Variants in ZFHX3 observed in about 807,000 individuals in gnomAD.
ZFHX3 encodes zinc finger homeobox 3, also known as zinc finger homeobox protein 3.
ZFHX3 carries 42 observed loss-of-function variants against 279.1 expected under a neutral mutation model. The observed-to-expected ratio is 0.15, with a 90% CI of 0.12 to 0.19. The LOEUF (loss-of-function observed/expected upper bound fraction) is 0.19. Ranked by LOEUF, ZFHX3 falls within the 10% of genes least tolerant of loss-of-function variation. The probability of loss-of-function intolerance (pLI) is 1.00; values close to 1 mark genes in which losing one functional copy is unlikely to be tolerated. For synonymous variants in ZFHX3, 2,293 were observed against 1,957.8 expected (o/e 1.17, Z -4.52); for missense variants, 4,981 against 4,754.0 (o/e 1.05, Z -1.40).
intron 3 of ZFHX3, among the ~76,000 whole-genome samples, chr16:73,380,645 A>G (rs1024313570): frequency 1.3e-5 from 2 of 152,256 alleles, no homozygotes; most frequent in African/African-American, 4.8e-5. Context: ...AGAATGGGAA[A>G]AAATGACAAG....
intron 1 of ZFHX3, among the ~76,000 whole-genome samples, chr16:73,021,173 T>C (rs1191964240): frequency 6.6e-6 from 1 of 152,150 alleles, no homozygotes; most frequent in African/African-American, 2.4e-5. Context: ...AGACATATAG[T>C]GGCTCAATAA....
In ZFHX3 at chr16:73,507,456, C is replaced by G. The variant is rs181377415; in HGVS notation, c.-1546-51198G>C. On this transcript the variant is annotated intron_variant, in intron 2 of 17. Transcript: ENST00000641206. ...GTGGAAAGTGTACTGGAGTCTGTAC[C>G]AGAAAATGCGTGAAATTCAGCTCTG... Among the ~76,000 whole-genome samples the G allele has an allele frequency of 8.3e-4, 122 of 147,586 alleles. 1 individual carries two copies. The highest frequency in any genetic ancestry group is 3.7e-3 in the Middle Eastern group (1 of 272).
At chr16:73,368,198 C>T (rs2016563577) in intron 3 of ZFHX3, among the ~76,000 whole-genome samples, 1 of 152,202 alleles carries the variant, frequency 6.6e-6, no homozygotes. Context: ...ACTACATCCC[C>T]TTTTATCACC....
At chr16:73,859,566 G>A (rs748368152) in intron 1 of ZFHX3, among the ~76,000 whole-genome samples, 1 of 152,114 alleles carries the variant, frequency 6.6e-6, no homozygotes, top group Non-Finnish European at 1.5e-5. Context: ...GGATGTCTAG[G>A]TCCAGCCTTG....
At chr16:73,091,023 A>G (rs1379114085) in intron 8 of ZFHX3, among the ~76,000 whole-genome samples, 1 of 151,878 alleles carries the variant, frequency 6.6e-6, no homozygotes, top group Non-Finnish European at 1.5e-5. Flanking sequence ...CATCCTGGCT[A>G]ACACGGTAAA....
intron 2 of ZFHX3, among the ~76,000 whole-genome samples, chr16:72,952,592 C>T (rs141803646): frequency 3.7e-4 from 56 of 152,222 alleles, no homozygotes; most frequent in Non-Finnish European, 6.3e-4. Flanking sequence ...GAAAAAAGAG[C>T]GGGACTGCTG....
intron 8 of ZFHX3, among the ~76,000 whole-genome samples, chr16:73,087,396 A>T (rs1966022344): frequency 6.6e-6 from 1 of 152,222 alleles, no homozygotes; most frequent in Non-Finnish European, 1.5e-5. Flanking sequence ...ACTCCAGGAA[A>T]GTCCTTGTCT....
At chr16:73,683,540 T>C (rs897132311) in intron 1 of ZFHX3, among the ~76,000 whole-genome samples, 3 of 152,066 alleles carry the variant, frequency 2.0e-5, no homozygotes, top group African/African-American at 7.2e-5. Context: ...ATGCGACATG[T>C]TTTGGGATTT....
In ZFHX3 at chr16:73,439,982, G is replaced by T. The variant is rs535114575; in HGVS notation, c.-1291+16021C>A. On this transcript the variant is annotated intron_variant, in intron 3 of 17. Coordinates refer to the ZFHX3 transcript ENST00000641206. ...GGCCAAGGCTTCAAAAGAGGTTACG[G>T]TGTAGGCACGGGGTTGAGATGGAGG... 2.6e-5 allele frequency among the ~76,000 whole-genome samples: 4 copies of T among 151,466 alleles called. No homozygotes were observed. In the East Asian group the frequency reaches 7.8e-4, roughly 29 times the overall value.
At chr16:73,230,609 C>G (rs895054578) in intron 5 of ZFHX3, among the ~76,000 whole-genome samples, 1 of 152,116 alleles carries the variant, frequency 6.6e-6, no homozygotes, top group African/African-American at 2.4e-5. Flanking sequence ...CTTTTTGCCT[C>G]TTCTTAACTC....
intron 1 of ZFHX3, among the ~76,000 whole-genome samples, chr16:72,982,975 A>G (rs969370195): frequency 6.6e-6 from 1 of 152,216 alleles, no homozygotes. Context: ...GGGGTAACGT[A>G]AAGGGTGATT....
chr16:73,880,388 T>C (rs1004968465), intron 1 of ZFHX3, among the ~76,000 whole-genome samples: 1 of 152,190 alleles, frequency 6.6e-6, no homozygotes, highest in Non-Finnish European at 1.5e-5. Context: ...ACTCTTTTTT[T>C]CCCTATAACA....
intron 2 of ZFHX3, among the ~76,000 whole-genome samples, chr16:73,664,818 G>A (rs1336455616): frequency 2.0e-5 from 3 of 152,180 alleles, no homozygotes; most frequent in African/African-American, 7.2e-5. Flanking sequence ...ACACCCGGAG[G>A]AAAGTAATTA....
intron 2 of ZFHX3, among the ~76,000 whole-genome samples, chr16:73,641,236 G>C (rs191488533): frequency 7.2e-4 from 109 of 152,170 alleles, no homozygotes; most frequent in Non-Finnish European, 1.1e-3. Flanking sequence ...AAGCAAGAAA[G>C]CATAAAATCC....
At chr16:73,063,610 C>A (rs1054263154), upstream of ZFHX3, among the ~76,000 whole-genome samples, 7 of 152,034 alleles carry the variant, frequency 4.6e-5, no homozygotes, top group Non-Finnish European at 1.0e-4. Flanking sequence ...AAAAATCACC[C>A]CCCCTCCCCG....
rs753921260 is a variant in ZFHX3, at chr16:73,143,790, G to A, written c.-1062C>T. ...GCAAAGCTGGACACCATCCAATAGC[G>A]CTAGGCTAGACTTCTGGGGGTTGTA... On this transcript the variant is annotated 5_prime_UTR_variant, in exon 6 of 18. Coordinates refer to the ZFHX3 transcript ENST00000641206. The A allele has an allele frequency of 1.4e-5, 18 of 1,305,128 alleles. No individual in the cohort carries two copies. In the East Asian group the frequency reaches 2.2e-4, roughly 16 times the overall value. 80.8% of individuals were successfully genotyped at this position (1,305,128 alleles called of 1,614,324 possible). A position where few individuals can be genotyped will look rare whatever the true frequency, so the allele number is the denominator to read the frequency against.
intron 4 of ZFHX3, among the ~76,000 whole-genome samples, chr16:73,298,701 C>G (rs1229295802): frequency 2.0e-5 from 3 of 152,114 alleles, no homozygotes; most frequent in African/African-American, 7.2e-5. Flanking sequence ...AACTGATGGG[C>G]TTTTACTGAG....
chr16:73,685,969 T>G (rs111571714), intron 1 of ZFHX3, among the ~76,000 whole-genome samples: 6 of 152,342 alleles, frequency 3.9e-5, no homozygotes, highest in African/African-American at 1.4e-4. Context: ...AGAAATGTGT[T>G]CATGTATGTG....
intron 3 of ZFHX3, among the ~76,000 whole-genome samples, chr16:73,435,230 CAG>C (rs543096933): frequency 3.9e-5 from 6 of 152,092 alleles, no homozygotes; most frequent in Non-Finnish European, 8.8e-5. Flanking sequence ...TTTTTTGAGA[CAG>C]AGTTTCGCTC....
Sources: allele counts gnomAD v4.1 joint callset (sites outside exome capture counted in the v4.1 genomes callset), GRCh38; gene constraint gnomAD v4.1.1; transcripts MANE v1.5; gene names NCBI Gene and HGNC (gene_info 2026-07-23, HGNC 2026-07-21).